The following CDS2 variants were observed in gnomAD, a reference collection of about 807,000 sequenced individuals.
CDS2 encodes the protein CDP-diacylglycerol synthase 2, also known as phosphatidate cytidylyltransferase 2.
CDS2 carries 47 observed loss-of-function variants against 59.0 expected under a neutral mutation model. The ratio of observed to expected loss-of-function variants is 0.80; its 90% CI spans 0.63 to 1.02. The LOEUF is 1.02. CDS2 is among the 50% of genes least tolerant of loss of function. The probability of loss-of-function intolerance (pLI) is 0.00; values close to 1 mark genes in which losing one functional copy is unlikely to be tolerated. For synonymous variants in CDS2, 207 were observed against 206.4 expected (o/e 1.00, Z -0.02); for missense variants, 356 against 558.9 (o/e 0.64, Z 3.66).
rs2091024617 is a variant in CDS2, at chr20:5,180,303, T to C, written c.529+1347T>C. ...ATACTAGGACAGGTATTGGCAAACT[T>C]TTTTTTTTTTTTTAAGGGGAAGCAA... On this transcript the variant is annotated intron_variant, in intron 5 of 12. Transcript: ENST00000460006. 2.1e-5 allele frequency among the ~76,000 whole-genome samples: 3 copies of C among 145,376 alleles called. No homozygotes were observed. In the South Asian group the frequency reaches 6.4e-4, roughly 31 times the overall value.
chr20:5,179,420 C>A (rs2091017694), intron 5 of CDS2, among the ~76,000 whole-genome samples: 1 of 152,232 alleles, frequency 6.6e-6, no homozygotes, highest in African/African-American at 2.4e-5. Context: ...CCACGCCCGG[C>A]CTTGTAGGAG....
At chr20:5,150,350 T>C (rs934218224) in intron 1 of CDS2, among the ~76,000 whole-genome samples, 4 of 152,256 alleles carry the variant, frequency 2.6e-5, no homozygotes, top group Non-Finnish European at 4.4e-5. Flanking sequence ...TAACTTGACA[T>C]GTTGGAGTTT....
chr20:5,127,101 G>A lies in CDS2; in HGVS notation c.9G>A (p.Glu3=). 1 of 1,499,876 alleles carries A rather than the reference G, an allele frequency of 6.7e-7. No individual in the cohort carries two copies. The highest frequency in any genetic ancestry group is 1.3e-5 in the South Asian group (1 of 79,318). The allele number at this position is 1,499,876 out of a possible 1,614,324, so 92.9% of individuals were successfully genotyped here. The change falls in exon 1 of 13, where the codon GAG becomes GAA. Residue 3 remains glutamate, a synonymous_variant. Transcript: ENST00000460006. MT[E]LRQRVAHEPV... is the part of the protein sequence containing the mutation. ...GGGCCGATTTTCCCAGGATGACAGAGCTGAGGCAGAGGGTGGCCCATGAGC... is the reference window on the plus strand; with the variant it reads ...GGGCCGATTTTCCCAGGATGACAGAACTGAGGCAGAGGGTGGCCCATGAGC...
chr20:5,178,751 A>G lies in CDS2; in HGVS notation c.390-66A>G. 1.9e-6 allele frequency: 3 copies of G among 1,570,842 alleles called. No homozygotes were observed. The South Asian group carries it at 3.3e-5, about 18-fold the overall frequency. On this transcript the variant is annotated intron_variant, in intron 4 of 12. Transcript: ENST00000460006. Reference sequence around the variant, plus strand: ...GCTGCCCTCTGTCCCTTCCTCTGGGATGTCTGACTGCCTTGCTGTGAAGGC... The same window carrying G: ...GCTGCCCTCTGTCCCTTCCTCTGGGGTGTCTGACTGCCTTGCTGTGAAGGC...
chr20:5,153,863 CAG>C (rs1309176963), intron 1 of CDS2, among the ~76,000 whole-genome samples: 2 of 152,256 alleles, frequency 1.3e-5, no homozygotes, highest in Non-Finnish European at 2.9e-5. Context: ...GTGACTGAGT[CAG>C]AGACATTTGC....
At chr20:5,127,479 G>C (rs1428445827) in intron 1 of CDS2, among the ~76,000 whole-genome samples, 1 of 152,230 alleles carries the variant, frequency 6.6e-6, no homozygotes, top group Non-Finnish European at 1.5e-5. Context: ...GGCCTTCCTG[G>C]AGGTGAAGAT....
At position 5,185,808 on chromosome 20, in the gene CDS2, T is replaced by C. The variant is rs1366512828; in HGVS notation, c.810T>C (p.Thr270=). 2.5e-6 allele frequency: 4 copies of C among 1,614,124 alleles called. No individual in the cohort carries two copies. The highest frequency in any genetic ancestry group is 1.7e-5 in the Admixed American group (1 of 60,014). The change falls in exon 9 of 13, where the codon ACT becomes ACC. Residue 270 remains threonine, a synonymous_variant. Coordinates refer to ENST00000460006, the MANE Select transcript of CDS2 (RefSeq NM_003818.4). ...GCTTCATTGGGGGCTTCTTTGCTAC[T>C]GTGGTGTTTGGCCTTCTGGTAGGTG... ...WEGFIGGFFA[T]VVFGLLLSYV... is the part of the protein sequence containing the mutation.
intron 1 of CDS2, among the ~76,000 whole-genome samples, chr20:5,129,086 C>T (rs114248564): frequency 2.3e-3 from 345 of 152,218 alleles, no homozygotes; most frequent in African/African-American, 7.8e-3. Context: ...GCTAGAGGTG[C>T]ACTTATATCA....
At chr20:5,176,872 G>A in intron 4 of CDS2, 127 bp downstream of exon 4, 1 of 702,486 alleles carries the variant, frequency 1.4e-6, no homozygotes. Context: ...CAGTTATCAT[G>A]TTAGGTCATA....
In CDS2 at chr20:5,193,081, G is replaced by A. The variant is rs2091129926; in HGVS notation, c.*2847G>A. 1 of 152,248 alleles carries A rather than the reference G, an allele frequency of 6.6e-6. No homozygotes were observed. Among genetic ancestry groups the A allele is most frequent in the African/African-American group, 2.4e-5 (1 of 41,464 alleles). 9.4% of individuals were successfully genotyped at this position (152,248 alleles called of 1,614,324 possible). ...TGCCTGGTGGAACAAGGGGGTCATA[G>A]AAACCAGGGCTGATGGGCACCCCCC... On this transcript the variant is annotated 3_prime_UTR_variant, in exon 13 of 13. Transcript: ENST00000460006.
chr20:5,136,275 C>T (rs763845553), intron 1 of CDS2, among the ~76,000 whole-genome samples: 1 of 152,202 alleles, frequency 6.6e-6, no homozygotes, highest in Non-Finnish European at 1.5e-5. Context: ...TCTCATTCTA[C>T]TCTTACCACC....
intron 1 of CDS2, among the ~76,000 whole-genome samples, chr20:5,137,248 CTT>C (rs11297837): frequency 1.8e-4 from 25 of 141,532 alleles, no homozygotes; most frequent in Non-Finnish European, 1.8e-4. Context: ...CATTTCTACC[CTT>C]TTTTTTTTTT....
chr20:5,179,194 T>C (rs1024941616), intron 5 of CDS2, among the ~76,000 whole-genome samples: 7 of 151,060 alleles, frequency 4.6e-5, no homozygotes, highest in African/African-American at 1.2e-4. Context: ...CCATCTCGGC[T>C]GACTGCAACC....
At chr20:5,153,198 A>G (rs749748095) in intron 1 of CDS2, among the ~76,000 whole-genome samples, 2 of 152,162 alleles carry the variant, frequency 1.3e-5, no homozygotes, top group Non-Finnish European at 2.9e-5. Flanking sequence ...AGCAGTACTT[A>G]CTGTTTGTGA....
intron 1 of CDS2, among the ~76,000 whole-genome samples, chr20:5,160,301 C>G (rs992207004): frequency 6.6e-6 from 1 of 152,208 alleles, no homozygotes; most frequent in South Asian, 2.1e-4. Context: ...CTGCCCTTGA[C>G]TGGTTGAACC....
At chr20:5,129,935 C>T (rs2090590551) in intron 1 of CDS2, among the ~76,000 whole-genome samples, 1 of 151,854 alleles carries the variant, frequency 6.6e-6, no homozygotes, top group Non-Finnish European at 1.5e-5. Flanking sequence ...TATTATTTGT[C>T]TTTGAATGTA....
At chr20:5,149,693 T>A (rs890173981) in intron 1 of CDS2, among the ~76,000 whole-genome samples, 1 of 149,832 alleles carries the variant, frequency 6.7e-6, no homozygotes, top group Non-Finnish European at 1.5e-5. Context: ...TGAGCCACCA[T>A]GCACAGCCTT....
intron 1 of CDS2, among the ~76,000 whole-genome samples, chr20:5,169,515 G>T (rs999311172): frequency 1.3e-5 from 2 of 152,252 alleles, no homozygotes; most frequent in African/African-American, 4.8e-5. Context: ...TGGGGCACCT[G>T]CTATGTTCCA....
intron 7 of CDS2, 72 bp downstream of exon 7, chr20:5,183,215 C>G: frequency 7.9e-7 from 1 of 1,271,266 alleles, no homozygotes. Context: ...CCCCTCTAAG[C>G]CAGTGGCCCT....
Sources: gnomAD v4.1 joint callset for allele counts (sites outside exome capture counted in the v4.1 genomes callset) on GRCh38, gnomAD v4.1.1 for gene constraint, MANE v1.5 for transcripts, NCBI Gene and HGNC (gene_info 2026-07-23, HGNC 2026-07-21) for gene names.